The following CELF1 variants were observed in gnomAD, a reference collection of about 807,000 sequenced individuals.
CELF1 encodes 50 kDa nuclear polyadenylated RNA-binding protein.
CELF1 carries 10 observed loss-of-function variants against 61.8 expected under a neutral mutation model. The ratio of observed to expected loss-of-function variants is 0.16; its 90% CI spans 0.10 to 0.27. The LOEUF (loss-of-function observed/expected upper bound fraction) is 0.27, where lower values mean the gene tolerates loss of function less well. Ranked by LOEUF, CELF1 falls within the 10% of genes least tolerant of loss-of-function variation. CELF1 has a pLI of 1.00. For missense variants in CELF1, 380 were observed against 639.1 expected (o/e 0.59, Z 4.37); for synonymous variants, 236 against 225.1 (o/e 1.05, Z -0.43).
At chr11:47,490,865 CTTT>C (rs753432504) in intron 3 of CELF1, among the ~76,000 whole-genome samples, 1 of 141,368 alleles carries the variant, frequency 7.1e-6, no homozygotes. Context: ...TATTTTCTTT[CTTT>C]TTTTTTTTTT....
chr11:47,494,176 T>G (rs944673981), intron 3 of CELF1, among the ~76,000 whole-genome samples: 2 of 152,158 alleles, frequency 1.3e-5, no homozygotes, highest in East Asian at 3.9e-4. Flanking sequence ...AGCCCTGACC[T>G]GGGAACAGGA....
chr11:47,519,689 G>C (rs761715640), intron 1 of CELF1, among the ~76,000 whole-genome samples: 2 of 151,866 alleles, frequency 1.3e-5, no homozygotes, highest in African/African-American at 2.4e-5. Context: ...GGCTAACACG[G>C]TGAAACCCCT....
chr11:47,478,301 CA>C (rs2081182580), intron 10 of CELF1, among the ~76,000 whole-genome samples: 1 of 152,218 alleles, frequency 6.6e-6, no homozygotes, highest in Admixed American at 6.5e-5. Flanking sequence ...TAGGCACAGG[CA>C]GCTTTGAAGC....
intron 2 of CELF1, among the ~76,000 whole-genome samples, chr11:47,500,652 A>T (rs1434702557): frequency 1.3e-5 from 2 of 152,078 alleles, no homozygotes; most frequent in African/African-American, 4.8e-5. Flanking sequence ...GAGTGCACAC[A>T]TAAAAATTCT....
chr11:47,532,039 T>A (rs893875432), intron 1 of CELF1, among the ~76,000 whole-genome samples: 24 of 152,186 alleles, frequency 1.6e-4, no homozygotes, highest in Non-Finnish European at 2.8e-4. Flanking sequence ...ATTTTTATTT[T>A]TTTTTTTTTG....
intron 2 of CELF1, among the ~76,000 whole-genome samples, chr11:47,563,541 T>G (rs1176660951): frequency 6.6e-6 from 1 of 151,510 alleles, no homozygotes; most frequent in Non-Finnish European, 1.5e-5. Flanking sequence ...CACACAAAAT[T>G]AGCCAGGCAT....
intron 1 of CELF1, among the ~76,000 whole-genome samples, chr11:47,546,226 C>T (rs931298935): frequency 7.6e-6 from 1 of 131,792 alleles, no homozygotes; most frequent in Non-Finnish European, 1.5e-5. Context: ...TTGACAGATA[C>T]TCTCAGTATC....
upstream of CELF1, among the ~76,000 whole-genome samples, chr11:47,555,032 G>A (rs2097201497): frequency 2.0e-5 from 3 of 152,154 alleles, no homozygotes; most frequent in South Asian, 6.2e-4. Context: ...TAAACCAAAG[G>A]TAAACTTCAT....
intron 1 of CELF1, among the ~76,000 whole-genome samples, chr11:47,549,226 T>TA (rs1185579854): frequency 1.3e-5 from 2 of 151,962 alleles, no homozygotes; most frequent in African/African-American, 4.8e-5. Context: ...AACAAACAAA[T>TA]AAAAAAACAC....
rs2076830921 is a variant in CELF1 at position 47,467,292 on chromosome 11, A to C, written c.*4938T>G. ...CACTCACATTCTTACTCAAGTCTCCAAGACCCTGAGGCTGGATGGTGCCAC... is the reference window on the plus strand; with the variant it reads ...CACTCACATTCTTACTCAAGTCTCCCAGACCCTGAGGCTGGATGGTGCCAC... On this transcript the variant is annotated 3_prime_UTR_variant, in exon 15 of 15. Coordinates refer to ENST00000687097, the MANE Select transcript of CELF1 (RefSeq NM_001376376.1). The C allele has an allele frequency of 6.6e-6, 1 of 152,184 alleles. No individual in the cohort carries two copies. Among genetic ancestry groups the C allele is most frequent in the South Asian group, 2.1e-4 (1 of 4,830 alleles). The allele number at this position is 152,184 out of a possible 1,614,324, so 9.4% of individuals were successfully genotyped here. A position where few individuals can be genotyped will look rare whatever the true frequency, so the allele number is the denominator to read the frequency against.
At chr11:47,486,286 A>C (rs554148137) in intron 6 of CELF1, among the ~76,000 whole-genome samples, 2 of 152,022 alleles carry the variant, frequency 1.3e-5, no homozygotes, top group Non-Finnish European at 2.9e-5. Context: ...TGTTCTTATA[A>C]TATTTCTCTG....
intron 1 of CELF1, among the ~76,000 whole-genome samples, chr11:47,507,382 G>C (rs2094591530): frequency 6.6e-6 from 1 of 151,898 alleles, no homozygotes; most frequent in Non-Finnish European, 1.5e-5. Flanking sequence ...TGCCGGGCAT[G>C]AAACTCTACA....
At chr11:47,553,165 C>A (rs1005592036), upstream of CELF1, 7 of 393,944 alleles carry the variant, frequency 1.8e-5, no homozygotes, top group Admixed American at 3.1e-4. Context: ...CACCTACCAC[C>A]GGCGGGGAGG....
chr11:47,555,999 CAAAA>C (rs34873224), upstream of CELF1, among the ~76,000 whole-genome samples: 13 of 53,416 alleles, frequency 2.4e-4, no homozygotes, highest in South Asian at 7.0e-4. Context: ...GACTCTGTCT[CAAAA>C]AAAAAAAAAA....
intron 3 of CELF1, among the ~76,000 whole-genome samples, chr11:47,499,121 C>T (rs923581401): frequency 2.0e-5 from 3 of 151,974 alleles, no homozygotes; most frequent in Non-Finnish European, 2.9e-5. Flanking sequence ...CAACCCAAAG[C>T]GACAATGCTA....
At chr11:47,541,406 C>T (rs2096769810) in intron 1 of CELF1, among the ~76,000 whole-genome samples, 2 of 152,088 alleles carry the variant, frequency 1.3e-5, no homozygotes, top group South Asian at 4.2e-4. Context: ...ATGGAAACTA[C>T]TTGGCCAGGT....
intron 1 of CELF1, among the ~76,000 whole-genome samples, chr11:47,551,645 T>C (rs1294410761): frequency 6.6e-6 from 1 of 152,206 alleles, no homozygotes; most frequent in Non-Finnish European, 1.5e-5. Context: ...GCTACACTTG[T>C]GGGCAAGGGG....
At chr11:47,487,026 G>A (rs1375316535) in intron 5 of CELF1, 133 bp downstream of exon 5, 2 of 780,172 alleles carry the variant, frequency 2.6e-6, no homozygotes, top group Non-Finnish European at 4.3e-6. Flanking sequence ...CTCCCTTTAT[G>A]TCTTCCTTTA....
intron 1 of CELF1, among the ~76,000 whole-genome samples, chr11:47,510,040 C>A (rs891329101): frequency 1.9e-4 from 29 of 150,906 alleles, no homozygotes; most frequent in African/African-American, 7.1e-4. Flanking sequence ...CCAGCCTGGG[C>A]AACAGGGTGA....
Sources: gnomAD v4.1 joint callset for allele counts (sites outside exome capture counted in the v4.1 genomes callset) on GRCh38, gnomAD v4.1.1 for gene constraint, MANE v1.5 for transcripts, NCBI Gene and HGNC (gene_info 2026-07-23, HGNC 2026-07-21) for gene names.